The following TNRC6A variants were observed in gnomAD, a reference collection of about 807,000 sequenced individuals.
TNRC6A encodes trinucleotide repeat containing adaptor 6A, also known as trinucleotide repeat-containing gene 6A protein.
Under a neutral mutation model 221.2 loss-of-function variants are expected in TNRC6A, and 44 were observed. The observed-to-expected ratio is 0.20, with a 90% CI of 0.16 to 0.26. TNRC6A has a LOEUF of 0.26. TNRC6A is among the 10% of genes least tolerant of loss of function. The pLI is 1.00. For missense variants in TNRC6A, 2,199 were observed against 2,404.4 expected, an observed-to-expected ratio of 0.91 and a Z score of 1.79; for synonymous variants, 847 against 838.5, an observed-to-expected ratio of 1.01 and a Z score of -0.18.
At chr16:24,638,482 G>A (rs1303140666) in intron 1 of TNRC6A, among the ~76,000 whole-genome samples, 1 of 152,174 alleles carries the variant, frequency 6.6e-6, no homozygotes, top group East Asian at 1.9e-4. Flanking sequence ...GGAGGCCGAG[G>A]CAGGCGGATC....
intron 2 of TNRC6A, among the ~76,000 whole-genome samples, chr16:24,739,453 T>C (rs887529734): frequency 1.3e-5 from 2 of 150,972 alleles, no homozygotes; most frequent in South Asian, 2.1e-4. Flanking sequence ...AGGTATTTTT[T>C]CCTATTTTGT....
chr16:24,823,311 GTC>G lies in TNRC6A; in HGVS notation c.5514-116_5514-115del. 2 of 1,260,658 alleles carry G rather than the reference GTC, an allele frequency of 1.6e-6. No individual in the cohort carries two copies. Among genetic ancestry groups the G allele is most frequent in the South Asian group, 1.4e-5 (1 of 69,552 alleles). The allele number at this position is 1,260,658 out of a possible 1,614,324, so 78.1% of individuals were successfully genotyped here. On this transcript the variant is annotated intron_variant, in intron 24 of 24. Coordinates refer to ENST00000395799, the MANE Select transcript of TNRC6A (RefSeq NM_014494.4). The surrounding 1 kb of genome is among the most constrained non-coding windows in gnomAD (Gnocchi z 4.3). ...GAGGGCACGCAGGTTATGTGGTGTA[GTC>G]TCTCCCTCTGTGCCTTCTGTGGCTT...
rs55802473 is a variant in TNRC6A at position 24,824,126 on chromosome 16, AC to A, written c.*330del. On this transcript the variant is annotated 3_prime_UTR_variant, in exon 25 of 25. Transcript: ENST00000395799. ...TTTTTTTTCCTTCTATTCCTCCCCA[AC>A]CCCCCCCCCCGCCCCTTTTTTTCTC... The A allele has an allele frequency of 0.013, 344 of 26,024 alleles. 9 individuals are homozygous for A. The highest frequency in any genetic ancestry group is 0.023 in the Admixed American group (45 of 1,946). The allele number at this position is 26,024 out of a possible 1,614,324, so 1.6% of individuals were successfully genotyped here. A position where few individuals can be genotyped will look rare whatever the true frequency, so the allele number is the denominator to read the frequency against.
chr16:24,718,383 T>C (rs2056353135), intron 2 of TNRC6A, among the ~76,000 whole-genome samples: 1 of 152,210 alleles, frequency 6.6e-6, no homozygotes, highest in African/African-American at 2.4e-5. Context: ...CCAGAGCATT[T>C]CAGGGAAGGC....
At chr16:24,707,503 G>A (rs1028067107) in intron 2 of TNRC6A, among the ~76,000 whole-genome samples, 2 of 152,052 alleles carry the variant, frequency 1.3e-5, no homozygotes, top group Non-Finnish European at 2.9e-5. Flanking sequence ...AAATTAAAAG[G>A]TAGGTAACAA....
At chr16:24,794,951 CCAGTG>C (rs932087035) in intron 8 of TNRC6A, among the ~76,000 whole-genome samples, 2 of 152,258 alleles carry the variant, frequency 1.3e-5, no homozygotes, top group African/African-American at 4.8e-5. Context: ...TCCCCCTCCA[CCAGTG>C]CTGCCTGGGA....
At chr16:24,765,688 A>G (rs2057457546) in intron 4 of TNRC6A, among the ~76,000 whole-genome samples, 1 of 152,210 alleles carries the variant, frequency 6.6e-6, no homozygotes, top group Non-Finnish European at 1.5e-5. Flanking sequence ...TCTTTGAGCT[A>G]TGTAACAAAT....
In TNRC6A at chr16:24,797,558, C is replaced by T. The variant is rs2151930341; in HGVS notation, c.3630C>T (p.Asn1210=). 6.2e-7 allele frequency: 1 copy of T among 1,610,882 alleles called. No individual in the cohort carries two copies. Among genetic ancestry groups the T allele is most frequent in the Non-Finnish European group, 8.5e-7 (1 of 1,178,768 alleles). Residue 1210 remains asparagine (N), a synonymous_variant, in exon 10 of 25, where the codon AAC becomes AAT. Transcript: ENST00000395799. ...WINPFVKQFS[N]ISFSRDSPEE... ...ATCCATTTGTTAAACAGTTTTCAAA[C>T]ATCAGTTTTTCGGTAAGTATGTTTT...
Position 24,795,917 on chromosome 16 carries a change from G to T in TNRC6A, c.3539G>T (p.Gly1180Val). The T allele has an allele frequency of 6.2e-7, 1 of 1,607,004 alleles. No individual in the cohort carries two copies. The highest frequency in any genetic ancestry group is 8.5e-7 in the Non-Finnish European group (1 of 1,175,076). ...TKKMSSKGLS[G>V]KKRRRERGMM... ...TGTCTTTCCTTACAGGGTCTGAGTG[G>T]CAAAAAAAGGAGAAGGGAAAGGGTG... The change falls in exon 9 of 25, where the codon GGC (glycine) becomes GTC (valine). Residue 1180 changes from glycine to valine, a missense_variant. By Grantham distance (109) the Gly-to-Val change is moderately radical (BLOSUM62 -3). Transcript: ENST00000395799.
At chr16:24,663,685 G>T in intron 2 of TNRC6A, 1 of 332,876 alleles carries the variant, frequency 3.0e-6, no homozygotes, top group Non-Finnish European at 6.0e-6. Flanking sequence ...CAGCAATGAT[G>T]TGTGACAACA....
intron 11 of TNRC6A, among the ~76,000 whole-genome samples, chr16:24,799,664 T>C (rs770350277): frequency 6.6e-6 from 1 of 152,224 alleles, no homozygotes; most frequent in Non-Finnish European, 1.5e-5. Context: ...ATAGAAAATA[T>C]GCAAATCTAC....
intron 2 of TNRC6A, among the ~76,000 whole-genome samples, chr16:24,681,558 T>C (rs1464837277): frequency 4.6e-5 from 7 of 152,180 alleles, no homozygotes; most frequent in Non-Finnish European, 4.4e-5. Context: ...AGTAATATAT[T>C]GTGGACATAT....
At chr16:24,814,846 T>G (rs936588427) in intron 18 of TNRC6A, among the ~76,000 whole-genome samples, 1 of 152,250 alleles carries the variant, frequency 6.6e-6, no homozygotes, top group African/African-American at 2.4e-5. Flanking sequence ...AAAGAACCCC[T>G]GAGCTATCAT....
chr16:24,620,301 T>C (rs1900599475), intron 1 of TNRC6A, among the ~76,000 whole-genome samples: 1 of 152,168 alleles, frequency 6.6e-6, no homozygotes, highest in African/African-American at 2.4e-5. Context: ...GTTAGGGTTA[T>C]TGTGAGTTTG....
intron 1 of TNRC6A, among the ~76,000 whole-genome samples, chr16:24,633,167 A>C (rs1901438660): frequency 6.6e-6 from 1 of 152,146 alleles, no homozygotes; most frequent in Non-Finnish European, 1.5e-5. Context: ...CTCTGGCCTC[A>C]GAGCCTTTAT....
intron 4 of TNRC6A, among the ~76,000 whole-genome samples, chr16:24,775,810 T>C (rs750665347): frequency 1.2e-4 from 18 of 152,210 alleles, no homozygotes; most frequent in Non-Finnish European, 2.9e-5. Flanking sequence ...CTGAGTGCCC[T>C]CACCAGTAAC....
intron 18 of TNRC6A, among the ~76,000 whole-genome samples, chr16:24,812,721 C>G (rs1210474720): frequency 6.6e-6 from 1 of 152,068 alleles, no homozygotes; most frequent in Admixed American, 6.6e-5. Flanking sequence ...TGTGTAAGGG[C>G]ACTCTGATGT....
chr16:24,797,163 C>T (rs553393687), intron 9 of TNRC6A, among the ~76,000 whole-genome samples: 6 of 152,218 alleles, frequency 3.9e-5, no homozygotes, highest in African/African-American at 1.4e-4. Flanking sequence ...TAAATTATAA[C>T]TAATCTTACA....
At chr16:24,721,469 G>C (rs1469129519) in intron 2 of TNRC6A, among the ~76,000 whole-genome samples, 1 of 151,980 alleles carries the variant, frequency 6.6e-6, no homozygotes, top group Non-Finnish European at 1.5e-5. Flanking sequence ...AGGAGTTTGA[G>C]ACTAGCCTGG....
Sources: gnomAD v4.1 joint callset for allele counts (sites outside exome capture counted in the v4.1 genomes callset) on GRCh38, gnomAD v4.1.1 for gene constraint, Gnocchi (gnomAD v3.1) non-coding constraint, MANE v1.5 for transcripts, NCBI Gene and HGNC (gene_info 2026-07-23, HGNC 2026-07-21) for gene names.